Variants in TRIM37 observed in about 807,000 individuals in gnomAD.
The protein encoded by TRIM37 is tripartite motif containing 37.
TRIM37 carries 80 observed loss-of-function variants against 129.8 expected under a neutral mutation model. The ratio of observed to expected loss-of-function variants is 0.62; its 90% CI spans 0.51 to 0.74. TRIM37 has a LOEUF of 0.74. Ranked by LOEUF, TRIM37 falls within the 30% of genes least tolerant of loss-of-function variation. The pLI is 0.00. For synonymous variants in TRIM37, 389 were observed against 387.1 expected, an observed-to-expected ratio of 1.00 and a Z score of -0.06; for missense variants, 1,054 against 1,176.5, an observed-to-expected ratio of 0.90 and a Z score of 1.52.
At chr17:59,087,404 G>A (rs1370810328) in intron 4 of TRIM37, among the ~76,000 whole-genome samples, 3 of 150,468 alleles carry the variant, frequency 2.0e-5, no homozygotes, top group Non-Finnish European at 4.4e-5. Flanking sequence ...CGAATAGTAG[G>A]TTTTAATTCT....
At chr17:59,028,327 G>T in intron 19 of TRIM37, 88 bp downstream of exon 19, 2 of 1,238,554 alleles carry the variant, frequency 1.6e-6, no homozygotes, top group Non-Finnish European at 2.3e-6. Flanking sequence ...TGGAAGAGTG[G>T]TATTTAAATA....
intron 17 of TRIM37, among the ~76,000 whole-genome samples, chr17:59,039,472 G>A (rs1328676274): frequency 6.6e-6 from 1 of 151,490 alleles, no homozygotes; most frequent in Non-Finnish European, 1.5e-5. Context: ...TCAGCCTCCC[G>A]AGTAGCTGGG....
chr17:59,023,073 T>C (rs2036804614), intron 19 of TRIM37, among the ~76,000 whole-genome samples: 2 of 152,000 alleles, frequency 1.3e-5, no homozygotes, highest in African/African-American at 2.4e-5. Flanking sequence ...TTTAACTTTT[T>C]TATTTATTTA....
chr17:59,077,986 G>C (rs1375528094), intron 7 of TRIM37, among the ~76,000 whole-genome samples: 1 of 151,650 alleles, frequency 6.6e-6, no homozygotes, highest in Non-Finnish European at 1.5e-5. Flanking sequence ...TTAGCTGGGG[G>C]TGGTGGCACG....
intron 18 of TRIM37, among the ~76,000 whole-genome samples, chr17:59,031,004 T>C (rs1244100067): frequency 1.3e-5 from 2 of 152,196 alleles, no homozygotes; most frequent in Admixed American, 1.3e-4. Context: ...CTGAAGATAG[T>C]CTTTTAAGCT....
chr17:58,991,930 C>T (rs1452166528), intron 24 of TRIM37, among the ~76,000 whole-genome samples: 1 of 152,076 alleles, frequency 6.6e-6, no homozygotes, highest in African/African-American at 2.4e-5. Context: ...TTAGGTCAAA[C>T]TGTACAGGTT....
intron 21 of TRIM37, among the ~76,000 whole-genome samples, chr17:59,012,946 TGTTGGTATCCTG>T (rs1824768456): frequency 6.6e-6 from 1 of 152,006 alleles, no homozygotes; most frequent in African/African-American, 2.4e-5. Flanking sequence ...ATTACATCAA[TGTTGGTATCCTG>T]GTTGTGATAT....
the TRIM37 span, among the ~76,000 whole-genome samples, chr17:58,975,447 G>A: frequency 6.6e-6 from 1 of 152,016 alleles, no homozygotes; most frequent in African/African-American, 2.4e-5. Context: ...GACCAACCTG[G>A]GCAACATAGT....
At chr17:59,099,724 C>T (rs2045280555) in intron 2 of TRIM37, among the ~76,000 whole-genome samples, 1 of 152,196 alleles carries the variant, frequency 6.6e-6, no homozygotes, top group Non-Finnish European at 1.5e-5. Flanking sequence ...CAAAACCGAA[C>T]ACACCAACTG....
At chr17:59,077,652 A>T (rs1246961602) in intron 7 of TRIM37, among the ~76,000 whole-genome samples, 1 of 151,878 alleles carries the variant, frequency 6.6e-6, no homozygotes, top group Non-Finnish European at 1.5e-5. Context: ...TCTACTAAAA[A>T]TACAAAAATT....
Position 59,061,257 on chromosome 17 carries a change from TAAC to T in TRIM37, c.943-152_943-150del, listed in dbSNP as rs2146494118. On this transcript the variant is annotated intron_variant, in intron 11 of 23. Transcript: ENST00000262294. ...AAAAACACCAATAGATTTGAGTTCT[TAAC>T]AACTTTAAACTTTTGTGCATTAAAA... is the stretch of plus-strand genomic sequence containing the variant. 5.9e-6 allele frequency: 4 copies of T among 680,306 alleles called. No individual in the cohort carries two copies. In the South Asian group the frequency reaches 7.0e-5, roughly 12 times the overall value. 42.1% of individuals were successfully genotyped at this position (680,306 alleles called of 1,614,324 possible). A position where few individuals can be genotyped will look rare whatever the true frequency, so the allele number is the denominator to read the frequency against.
chr17:59,080,219 A>G (rs2043143616), intron 6 of TRIM37, among the ~76,000 whole-genome samples: 1 of 152,230 alleles, frequency 6.6e-6, no homozygotes, highest in South Asian at 2.1e-4. Flanking sequence ...AACAACTTGA[A>G]ACAAAATGTA....
chr17:59,075,306 G>A (rs1350191120), intron 8 of TRIM37, among the ~76,000 whole-genome samples: 1 of 152,054 alleles, frequency 6.6e-6, no homozygotes, highest in Non-Finnish European at 1.5e-5. Flanking sequence ...GCTCACGCCT[G>A]TAATCCCAGC....
At chr17:59,104,905 A>C (rs1294719296) in intron 1 of TRIM37, among the ~76,000 whole-genome samples, 1 of 152,108 alleles carries the variant, frequency 6.6e-6, no homozygotes, top group Non-Finnish European at 1.5e-5. Flanking sequence ...CAACCTGGCC[A>C]AAATGGTTAA....
intron 2 of TRIM37, among the ~76,000 whole-genome samples, chr17:59,100,995 C>A (rs1490527096): frequency 6.9e-6 from 1 of 145,144 alleles, no homozygotes; most frequent in East Asian, 2.0e-4. Context: ...GCACTCCAGG[C>A]TGGGCAACAA....
At chr17:58,982,179 G>A (rs949966714), downstream of TRIM37, 11 of 152,606 alleles carry the variant, frequency 7.2e-5, no homozygotes, top group African/African-American at 2.7e-4. Flanking sequence ...TGAGTGTCCT[G>A]CTTACATGTA....
intron 13 of TRIM37, 32 bp downstream of exon 13, chr17:59,056,843 T>TA: frequency 6.9e-7 from 1 of 1,457,360 alleles, no homozygotes; most frequent in Non-Finnish European, 9.3e-7. Context: ...TTCCCCACAA[T>TA]AAAAACCACA....
At position 59,017,625 on chromosome 17, in the gene TRIM37, CT is replaced by C. The variant is rs542375011; in HGVS notation, c.2258-202del. ...CATCTTGTTGCTTGTAGAGCAGAATCTTTTTTTTTTTTCCCCCAGATGGAGT... is the reference window on the plus strand; with the variant it reads ...CATCTTGTTGCTTGTAGAGCAGAATCTTTTTTTTTTTCCCCCAGATGGAGT... On this transcript the variant is annotated intron_variant, in intron 19 of 23. Transcript: ENST00000262294. 2.9e-3 allele frequency among the ~76,000 whole-genome samples: 421 copies of C among 146,352 alleles called. 1 individual carries two copies. Among genetic ancestry groups the C allele is most frequent in the East Asian group, 9.7e-3 (49 of 5,038 alleles).
At chr17:59,001,009 A>G (rs1400457076) in intron 23 of TRIM37, among the ~76,000 whole-genome samples, 1 of 152,118 alleles carries the variant, frequency 6.6e-6, no homozygotes, top group Non-Finnish European at 1.5e-5. Context: ...CCTGGCCAAC[A>G]TGGTGAAACT....
Sources: allele counts gnomAD v4.1 joint callset (sites outside exome capture counted in the v4.1 genomes callset), GRCh38; gene constraint gnomAD v4.1.1; transcripts MANE v1.5; gene names NCBI Gene and HGNC (gene_info 2026-07-23, HGNC 2026-07-21).